OR9K2: variants seen among roughly 807,000 people sequenced by gnomAD.
OR9K2 encodes the protein olfactory receptor 9K2.
A neutral mutation model predicts 12.4 loss-of-function variants in OR9K2; 16 were observed. The observed-to-expected ratio is 1.29, with a 90% CI of 0.87 to 1.95. The LOEUF (loss-of-function observed/expected upper bound fraction) is 1.95. Ranked by LOEUF, OR9K2 falls within the 30% of genes most tolerant of loss-of-function variation. The probability of loss-of-function intolerance (pLI) is 0.00; values close to 1 mark genes in which losing one functional copy is unlikely to be tolerated. For synonymous variants in OR9K2, 133 were observed against 133.2 expected, an observed-to-expected ratio of 1.00 and a Z score of 0.01; for missense variants, 434 against 376.5, an observed-to-expected ratio of 1.15 and a Z score of -1.26.
chr12:55,132,645 G>C lies in OR9K2; in HGVS notation c.*1869G>C, dbSNP rs1953483125. 6.6e-6 allele frequency: 1 copy of C among 152,080 alleles called. No individual in the cohort carries two copies. The highest frequency in any genetic ancestry group is 1.9e-4 in the East Asian group (1 of 5,204). 9.4% of individuals were successfully genotyped at this position (152,080 alleles called of 1,614,324 possible). A position where few individuals can be genotyped will look rare whatever the true frequency, so the allele number is the denominator to read the frequency against. ...ACCCAGTGTGTGGTGTTTTGTTATG[G>C]GATCTCCAGCAAATTCATACAAATA... On this transcript the variant is annotated 3_prime_UTR_variant, in exon 3 of 3. Coordinates refer to ENST00000641329, the MANE Select transcript of OR9K2 (RefSeq NM_001005243.2).
rs1336846878 is a variant in OR9K2 at position 55,130,199 on chromosome 12, C to G, written c.365C>G (p.Ala122Gly). 25 of 1,613,964 alleles carry G rather than the reference C, an allele frequency of 1.5e-5. No homozygotes were observed. Among genetic ancestry groups the G allele is most frequent in the Non-Finnish European group, 2.0e-5 (24 of 1,179,986 alleles). Residue 122 changes from alanine (A) to glycine (G), a missense_variant, in exon 3 of 3, where the codon GCT becomes GGT. Physicochemically the swap from Ala to Gly is moderately conservative, Grantham distance 60 (BLOSUM62 0). Coordinates refer to ENST00000641329, the MANE Select transcript of OR9K2 (RefSeq NM_001005243.2). ...VTEGFLLAAM[A>G]YDRFIAICNP... ...GAGGGATTTCTCCTGGCGGCCATGG[C>G]TTATGACCGCTTTATTGCCATCTGC... is the stretch of plus-strand genomic sequence containing the variant.
In OR9K2 at chr12:55,130,840, A is replaced by C. The variant is rs1953468134; in HGVS notation, c.*64A>C. The C allele has an allele frequency of 2.2e-6, 2 of 894,538 alleles. No individual in the cohort carries two copies. The highest frequency in any genetic ancestry group is 2.6e-5 in the Admixed American group (1 of 38,800). The allele number at this position is 894,538 out of a possible 1,614,324, so 55.4% of individuals were successfully genotyped here. A position where few individuals can be genotyped will look rare whatever the true frequency, so the allele number is the denominator to read the frequency against. On this transcript the variant is annotated 3_prime_UTR_variant, in exon 3 of 3. Coordinates refer to ENST00000641329, the MANE Select transcript of OR9K2 (RefSeq NM_001005243.2). ...ATTTAATACACCTGTGTTCATTAAT[A>C]AAAGTTACTCTCCCGAATGTCATAA... is the stretch of plus-strand genomic sequence containing the variant.
At position 55,132,205 on chromosome 12, in the gene OR9K2, T is replaced by C. The variant is rs1592490718; in HGVS notation, c.*1429T>C. 2 of 152,284 alleles carry C rather than the reference T, an allele frequency of 1.3e-5. No individual in the cohort carries two copies. Among genetic ancestry groups the C allele is most frequent in the Admixed American group, 1.3e-4 (2 of 15,276 alleles). 9.4% of individuals were successfully genotyped at this position (152,284 alleles called of 1,614,324 possible). A position where few individuals can be genotyped will look rare whatever the true frequency, so the allele number is the denominator to read the frequency against. ...GGATGCCTTCTCTCACCACACCTTT[T>C]CAATATTTTAATGGAAGTGCTAGCC... On this transcript the variant is annotated 3_prime_UTR_variant, in exon 3 of 3. Transcript: ENST00000641329.
chr12:55,128,132 A>G (rs967844645), intron 2 of OR9K2, among the ~76,000 whole-genome samples: 5 of 151,926 alleles, frequency 3.3e-5, no homozygotes, highest in African/African-American at 9.7e-5. Flanking sequence ...ACTGCCATTT[A>G]CCAGACACAT....
chr12:55,131,631 G>A lies in OR9K2; in HGVS notation c.*855G>A, dbSNP rs1182649543. The stretch of plus-strand genomic sequence containing the variant: ...GTATAATATGTTCTGGCCTTACAGT[G>A]GGCTCAGGGATAAATAACCTCATTC... On this transcript the variant is annotated 3_prime_UTR_variant, in exon 3 of 3. Coordinates refer to ENST00000641329, the MANE Select transcript of OR9K2 (RefSeq NM_001005243.2). The A allele has an allele frequency of 1.3e-5, 2 of 152,198 alleles. No individual in the cohort carries two copies. The highest frequency in any genetic ancestry group is 1.9e-4 in the East Asian group (1 of 5,182). 9.4% of individuals were successfully genotyped at this position (152,198 alleles called of 1,614,324 possible).
At position 55,129,966 on chromosome 12, in the gene OR9K2, G is replaced by A. The variant is rs557644857; in HGVS notation, c.132G>A (p.Gly44=). Residue 44 remains glycine, a synonymous_variant, in exon 3 of 3, where the codon GGG becomes GGA. Coordinates refer to ENST00000641329, the MANE Select transcript of OR9K2 (RefSeq NM_001005243.2). ...FLFVYAMILL[G]NVGMMTIIMT... ...TTGTTTATGCCATGATCCTTCTAGG[G>A]AATGTTGGGATGATGACCATTATTA... 4 of 1,613,934 alleles carry A rather than the reference G, an allele frequency of 2.5e-6. No individual in the cohort carries two copies. The highest frequency in any genetic ancestry group is 3.4e-6 in the Non-Finnish European group (4 of 1,179,940).
In OR9K2 at chr12:55,129,950, C is replaced by A. The variant is rs369351596; in HGVS notation, c.116C>A (p.Ala39Asp). Residue 39 changes from alanine to aspartate, a missense_variant, in exon 3 of 3, where the codon GCC (alanine) becomes GAC (aspartate). Ala to Asp is a moderately radical substitution (Grantham distance 126, BLOSUM62 -2). Transcript: ENST00000641329. ...TTCCTGCTATTTTTGTTTGTTTATG[C>A]CATGATCCTTCTAGGGAATGTTGGG... The part of the protein sequence containing the change: ...LLFLLFLFVY[A>D]MILLGNVGMM... 1 of 1,613,908 alleles carries A rather than the reference C, an allele frequency of 6.2e-7. No individual in the cohort carries two copies. Among genetic ancestry groups the A allele is most frequent in the Non-Finnish European group, 8.5e-7 (1 of 1,179,862 alleles).
chr12:55,130,264 T>C lies in OR9K2; in HGVS notation c.430T>C (p.Cys144Arg), dbSNP rs1953462096. 1 of 1,614,084 alleles carries C rather than the reference T, an allele frequency of 6.2e-7. No homozygotes were observed. Among genetic ancestry groups the C allele is most frequent in the Non-Finnish European group, 8.5e-7 (1 of 1,179,980 alleles). The change falls in exon 3 of 3, where the codon TGT becomes CGT. Residue 144 changes from cysteine (C) to arginine (R), a missense_variant. Transcript: ENST00000641329. ...CTCTGTTCAAATGTCCACACGTCTGTGTACTCAGTTGGTGGCTGGTTCCTA... is the reference window on the plus strand; with the variant it reads ...CTCTGTTCAAATGTCCACACGTCTGCGTACTCAGTTGGTGGCTGGTTCCTA... The part of the protein sequence containing the change: ...LYSVQMSTRL[C>R]TQLVAGSYFC...
chr12:55,129,795 T>C, intron 2 of OR9K2, 31 bp from the exon 3 acceptor site: 1 of 1,592,638 alleles, frequency 6.3e-7, no homozygotes, highest in Non-Finnish European at 8.5e-7. Context: ...CAAGAGTTCA[T>C]TTGTATATTT....
rs555771267 is a variant in OR9K2 at position 55,129,886 on chromosome 12, G to T, written c.52G>T (p.Ala18Ser). The T allele has an allele frequency of 6.2e-7, 1 of 1,613,972 alleles. No individual in the cohort carries two copies. Among genetic ancestry groups the T allele is most frequent in the Admixed American group, 1.7e-5 (1 of 59,988 alleles). The change falls in exon 3 of 3, where the codon GCA becomes TCA. Residue 18 changes from alanine (A) to serine (S), a missense_variant. Coordinates refer to ENST00000641329, the MANE Select transcript of OR9K2 (RefSeq NM_001005243.2). ...CTCAGAAATGACTGACTTCATTCTT[G>T]CAGGCTTCAGGGTACGCCCAGAGCT... ...NHSEMTDFIL[A>S]GFRVRPELHI...
Position 55,130,892 on chromosome 12 carries a change from T to C in OR9K2, c.*116T>C. 1 of 643,720 alleles carries C rather than the reference T, an allele frequency of 1.6e-6. No individual in the cohort carries two copies. Among genetic ancestry groups the C allele is most frequent in the Non-Finnish European group, 2.6e-6 (1 of 385,814 alleles). 39.9% of individuals were successfully genotyped at this position (643,720 alleles called of 1,614,324 possible). Reference sequence around the variant, plus strand: ...AATACTCTTAGATGTTTTCATGTGATGTGCTCTTTCCATATTTTACTTTTT... The same window carrying C: ...AATACTCTTAGATGTTTTCATGTGACGTGCTCTTTCCATATTTTACTTTTT... On this transcript the variant is annotated 3_prime_UTR_variant, in exon 3 of 3. Transcript: ENST00000641329.
intron 2 of OR9K2, among the ~76,000 whole-genome samples, chr12:55,128,813 GC>G (rs1363529059): frequency 6.6e-6 from 1 of 152,134 alleles, no homozygotes; most frequent in Non-Finnish European, 1.5e-5. Flanking sequence ...AGTGTAATCA[GC>G]AATGCCCCCA....
rs1565621578 is a variant in OR9K2 at position 55,130,377 on chromosome 12, C to T, written c.543C>T (p.Tyr181=). The T allele has an allele frequency of 6.2e-7, 1 of 1,614,020 alleles. No individual in the cohort carries two copies. The highest frequency in any genetic ancestry group is 1.7e-5 in the Admixed American group (1 of 59,956). ...CTTCTCGGGCTGTTGACCACTTTTA[C>T]TGTGATTCTCGCCCACTTCAGAGAC... is the stretch of plus-strand genomic sequence containing the variant. ...FCASRAVDHF[Y]CDSRPLQRLS... The change falls in exon 3 of 3, where the codon TAC becomes TAT. Residue 181 remains tyrosine, a synonymous_variant. Transcript: ENST00000641329.
intron 2 of OR9K2, among the ~76,000 whole-genome samples, chr12:55,129,322 T>G (rs11171307): frequency 2.8e-4 from 42 of 148,650 alleles, no homozygotes; most frequent in Non-Finnish European, 5.7e-4. Context: ...CTCAAGTAGG[T>G]TTTTTTTTTT....
At chr12:55,127,204 A>T (rs1953435131) in intron 2 of OR9K2, among the ~76,000 whole-genome samples, 1 of 151,928 alleles carries the variant, frequency 6.6e-6, no homozygotes, top group Non-Finnish European at 1.5e-5. Flanking sequence ...TTATGTTGAC[A>T]ATACGCAGCA....
intron 2 of OR9K2, among the ~76,000 whole-genome samples, 192 bp downstream of exon 2, chr12:55,127,103 AT>A (rs1191394598): frequency 6.6e-6 from 1 of 151,876 alleles, no homozygotes. Flanking sequence ...TTGTTTTTTT[AT>A]ATTCTCTGAT....
At position 55,126,807 on chromosome 12, in the gene OR9K2, CTTTATG is replaced by C. The variant is rs1953431776; in HGVS notation, c.-93-15_-93-10del. 6.6e-6 allele frequency: 1 copy of C among 152,090 alleles called. No individual in the cohort carries two copies. The allele number at this position is 152,090 out of a possible 1,614,324, so 9.4% of individuals were successfully genotyped here. A position where few individuals can be genotyped will look rare whatever the true frequency, so the allele number is the denominator to read the frequency against. On this transcript the variant is annotated splice_polypyrimidine_tract_variant and intron_variant, in intron 1 of 2. Coordinates refer to ENST00000641329, the MANE Select transcript of OR9K2 (RefSeq NM_001005243.2). Reference sequence around the variant, plus strand: ...TATAATTATGACAGTCATTAATTAACTTTATGTTTATCCTTTCTAGAATTAAAACAA... The same window carrying C: ...TATAATTATGACAGTCATTAATTAACTTTATCCTTTCTAGAATTAAAACAA...
chr12:55,130,823 C>T lies in OR9K2; in HGVS notation c.*47C>T, dbSNP rs1421482556. 3 of 1,039,138 alleles carry T rather than the reference C, an allele frequency of 2.9e-6. No homozygotes were observed. The highest frequency in any genetic ancestry group is 3.2e-5 in the African/African-American group (2 of 61,854). 64.4% of individuals were successfully genotyped at this position (1,039,138 alleles called of 1,614,324 possible). On this transcript the variant is annotated 3_prime_UTR_variant, in exon 3 of 3. Transcript: ENST00000641329. ...TTTTATTGTGGCTATTTATTTAATA[C>T]ACCTGTGTTCATTAATAAAAGTTAC...
chr12:55,129,585 G>T, intron 2 of OR9K2: 1 of 578,904 alleles, frequency 1.7e-6, no homozygotes, highest in East Asian at 2.8e-5. Flanking sequence ...GAAAGGCATT[G>T]TATTAGATGC....
Sources: allele counts gnomAD v4.1 joint callset (sites outside exome capture counted in the v4.1 genomes callset), GRCh38; gene constraint gnomAD v4.1.1; transcripts MANE v1.5; gene names NCBI Gene and HGNC (gene_info 2026-07-23, HGNC 2026-07-21).